The following USP6NL variants were observed in gnomAD, a reference collection of about 807,000 sequenced individuals.
USP6NL encodes USP6 N-terminal-like protein.
USP6NL carries 26 observed loss-of-function variants against 61.9 expected under a neutral mutation model. The ratio of observed to expected loss-of-function variants is 0.42; its 90% CI spans 0.31 to 0.58. USP6NL has a LOEUF of 0.58. USP6NL is among the 20% of genes least tolerant of loss of function. The pLI is 0.16. For missense variants in USP6NL, 1,114 were observed against 1,034.3 expected (o/e 1.08, Z -1.06); for synonymous variants, 432 against 390.1 (o/e 1.11, Z -1.27).
At chr10:11,509,419 G>A (rs933049087) in intron 6 of USP6NL, among the ~76,000 whole-genome samples, 176 bp downstream of exon 6, 4 of 152,046 alleles carry the variant, frequency 2.6e-5, no homozygotes, top group African/African-American at 9.7e-5. Context: ...ATCCGAATCG[G>A]GTATTACGTT....
chr10:11,546,005 C>T (rs1836260280), intron 2 of USP6NL, among the ~76,000 whole-genome samples: 1 of 152,228 alleles, frequency 6.6e-6, no homozygotes, highest in African/African-American at 2.4e-5. Context: ...TCCTTGTGAA[C>T]AGTAAATTAC....
In USP6NL at chr10:11,587,624, T is replaced by C. The variant is rs1044671401; in HGVS notation, c.4+10007A>G. 6.6e-6 allele frequency among the ~76,000 whole-genome samples: 1 copy of C among 152,236 alleles called. No individual in the cohort carries two copies. The highest frequency in any genetic ancestry group is 1.5e-5 in the Non-Finnish European group (1 of 68,032). ...TCTTTAGTGAAGCAATCTCAATTTA[T>C]GTACAAATAGCTATAGCTGTTTTAT... On this transcript the variant is annotated intron_variant, in intron 2 of 14. Transcript: ENST00000609104. This position sits in a 1 kb window ranked among gnomAD's most constrained non-coding sequence, Gnocchi z 4.5.
rs1399183844 is a variant in USP6NL at position 11,482,840 on chromosome 10, C to T, written c.926-918G>A. ...CTTTAGCTAACTATTGGTTAATATG[C>T]CCAGAAAGAGTTTTTCTTTTTTTTA... On this transcript the variant is annotated intron_variant, in intron 13 of 14. Coordinates refer to ENST00000609104, the MANE Select transcript of USP6NL (RefSeq NM_014688.5). This position sits in a 1 kb window ranked among gnomAD's most constrained non-coding sequence, Gnocchi z 4.0. Among the ~76,000 whole-genome samples the T allele has an allele frequency of 6.6e-6, 1 of 151,974 alleles. No individual in the cohort carries two copies. Among genetic ancestry groups the T allele is most frequent in the African/African-American group, 2.4e-5 (1 of 41,376 alleles).
rs948109811 is a variant in USP6NL, at chr10:11,484,396, G to T, written c.925+575C>A. Among the ~76,000 whole-genome samples the T allele has an allele frequency of 1.1e-4, 16 of 144,762 alleles. No individual in the cohort carries two copies. In the South Asian group the frequency reaches 2.2e-3, roughly 20 times the overall value. 95.0% of individuals were successfully genotyped at this position (144,762 alleles called of 152,430 possible). A position where few individuals can be genotyped will look rare whatever the true frequency, so the allele number is the denominator to read the frequency against. On this transcript the variant is annotated intron_variant, in intron 13 of 14. Coordinates refer to ENST00000609104, the MANE Select transcript of USP6NL (RefSeq NM_014688.5). ...GCAACTGAAGACTAAAAATTCTCCA[G>T]TTTTTTTTTTTTTTTAATCTTGCTC...
rs1833723344 is a variant in USP6NL at position 11,491,921 on chromosome 10, G to T, written c.495-1041C>A. ...GTGACCACATGACCAGTCACAGAAG[G>T]GATTGCTGCAATTATTATGAGTATT... On this transcript the variant is annotated intron_variant, in intron 8 of 14. Coordinates refer to ENST00000609104, the MANE Select transcript of USP6NL (RefSeq NM_014688.5). The surrounding 1 kb of genome is among the most constrained non-coding windows in gnomAD (Gnocchi z 4.7). Among the ~76,000 whole-genome samples, 1 of 152,130 alleles carries T rather than the reference G, an allele frequency of 6.6e-6. No individual in the cohort carries two copies. Among genetic ancestry groups the T allele is most frequent in the Non-Finnish European group, 1.5e-5 (1 of 68,026 alleles).
intron 2 of USP6NL, among the ~76,000 whole-genome samples, chr10:11,582,177 G>A (rs539187731): frequency 6.6e-6 from 1 of 152,366 alleles, no homozygotes; most frequent in Admixed American, 6.5e-5. Flanking sequence ...TGTTGGGCAG[G>A]CTGGTGTCAA....
intron 7 of USP6NL, among the ~76,000 whole-genome samples, chr10:11,500,294 C>T (rs1235546386): frequency 6.6e-6 from 1 of 151,846 alleles, no homozygotes; most frequent in Non-Finnish European, 1.5e-5. Context: ...ACCTATGTAA[C>T]AAATCTGCAC....
chr10:11,585,760 T>C lies in USP6NL; in HGVS notation c.4+11871A>G, dbSNP rs1007206325. On this transcript the variant is annotated intron_variant, in intron 2 of 14. Transcript: ENST00000609104. The surrounding 1 kb of genome is among the most constrained non-coding windows in gnomAD (Gnocchi z 4.5). ...AAGAATGGATAAACAAAATATGGTC[T>C]ATATATACAAGGGAATATTATTCAG... Among the ~76,000 whole-genome samples, 2 of 152,200 alleles carry C rather than the reference T, an allele frequency of 1.3e-5. No individual in the cohort carries two copies. Among genetic ancestry groups the C allele is most frequent in the Admixed American group, 1.3e-4 (2 of 15,284 alleles).
intron 7 of USP6NL, among the ~76,000 whole-genome samples, chr10:11,498,885 G>A (rs1834056543): frequency 1.3e-5 from 2 of 151,874 alleles, no homozygotes; most frequent in Admixed American, 1.3e-4. Context: ...TACTTTTAGA[G>A]TATTTATCAC....
intron 14 of USP6NL, among the ~76,000 whole-genome samples, chr10:11,467,449 G>C (rs1396776089): frequency 6.6e-6 from 1 of 152,132 alleles, no homozygotes; most frequent in African/African-American, 2.4e-5. Context: ...TTTATCCTAA[G>C]ACAATTAAGG....
At position 11,563,317 on chromosome 10, in the gene USP6NL, A is replaced by AG. The variant is rs563643126; in HGVS notation, c.4+34313dup. 476 of 152,306 alleles carry AG rather than the reference A, an allele frequency of 3.1e-3. 2 individuals carry two copies. Among genetic ancestry groups the AG allele is most frequent in the Middle Eastern group, 0.01 (3 of 294 alleles). The allele number at this position is 152,306 out of a possible 1,614,324, so 9.4% of individuals were successfully genotyped here. A position where few individuals can be genotyped will look rare whatever the true frequency, so the allele number is the denominator to read the frequency against. On this transcript the variant is annotated intron_variant, in intron 2 of 14. Transcript: ENST00000609104. ...GTATGATAGAAAGGGCATAGCGTTA[A>AG]GGAAACCTGTGGTGATGAAACTCTT... is the stretch of plus-strand genomic sequence containing the variant.
At position 11,548,687 on chromosome 10, in the gene USP6NL, C is replaced by T. The variant is rs1416954129; in HGVS notation, c.5-21120G>A. On this transcript the variant is annotated intron_variant, in intron 2 of 14. Transcript: ENST00000609104. This position sits in a 1 kb window ranked among gnomAD's most constrained non-coding sequence, Gnocchi z 4.3. ...TGGCAAAGACTTTCATTCTGATAAACATCAACAAATTAATTTAACTATGGT... is the reference window on the plus strand; with the variant it reads ...TGGCAAAGACTTTCATTCTGATAAATATCAACAAATTAATTTAACTATGGT... Among the ~76,000 whole-genome samples, 2 of 152,130 alleles carry T rather than the reference C, an allele frequency of 1.3e-5. No individual in the cohort carries two copies. The highest frequency in any genetic ancestry group is 1.5e-5 in the Non-Finnish European group (1 of 68,018).
intron 2 of USP6NL, among the ~76,000 whole-genome samples, chr10:11,549,125 A>G (rs893101012): frequency 2.0e-5 from 3 of 152,144 alleles, no homozygotes; most frequent in Non-Finnish European, 4.4e-5. Flanking sequence ...ACAGTCTAAG[A>G]CAACAGCTCA....
chr10:11,489,076 T>A lies in USP6NL; in HGVS notation c.664+26A>T, dbSNP rs1251167186. ...CTACTTTTTTCCCTACCTTGATTGT[T>A]TAGATAAAGCACAGGGTTTTCTTAC... On this transcript the variant is annotated intron_variant, in intron 10 of 14. Coordinates refer to ENST00000609104, the MANE Select transcript of USP6NL (RefSeq NM_014688.5). The surrounding 1 kb of genome is among the most constrained non-coding windows in gnomAD (Gnocchi z 5.7). 4 of 1,610,424 alleles carry A rather than the reference T, an allele frequency of 2.5e-6. No individual in the cohort carries two copies. In the African/African-American group the frequency reaches 5.3e-5, roughly 22 times the overall value.
In USP6NL at chr10:11,476,325, G is replaced by A. The variant is rs564987048; in HGVS notation, c.1078+5445C>T. On this transcript the variant is annotated intron_variant, in intron 14 of 14. Transcript: ENST00000609104. The surrounding 1 kb of genome is among the most constrained non-coding windows in gnomAD (Gnocchi z 4.3). ...GCTGGGGGAAGGTCCTTGTTTCTTG[G>A]CTACAGAGACAAGTATTTGAGGTGA... Among the ~76,000 whole-genome samples, 3 of 152,238 alleles carry A rather than the reference G, an allele frequency of 2.0e-5. No individual in the cohort carries two copies. The East Asian group carries it at 5.8e-4, about 29-fold the overall frequency.
Position 11,489,054 on chromosome 10 carries a change from C to A in USP6NL, c.664+48G>T. 6.2e-7 allele frequency: 1 copy of A among 1,600,622 alleles called. No individual in the cohort carries two copies. The highest frequency in any genetic ancestry group is 8.5e-7 in the Non-Finnish European group (1 of 1,171,742). On this transcript the variant is annotated intron_variant, in intron 10 of 14. Transcript: ENST00000609104. The surrounding 1 kb of genome is among the most constrained non-coding windows in gnomAD (Gnocchi z 5.7). ...GCATCTTTGGTTTTGTTTTAATCTA[C>A]TTTTTTCCCTACCTTGATTGTTTAG...
In USP6NL at chr10:11,525,706, A is replaced by T. The variant is rs1835386793; in HGVS notation, c.73-238T>A. 6.6e-6 allele frequency among the ~76,000 whole-genome samples: 1 copy of T among 152,190 alleles called. No homozygotes were observed. The highest frequency in any genetic ancestry group is 2.1e-4 in the South Asian group (1 of 4,828). ...AGATGCTGTGTGTCAGCAGCAGCTGACGCGGAGCTGAGCCAGGATCAGGCC... is the reference window on the plus strand; with the variant it reads ...AGATGCTGTGTGTCAGCAGCAGCTGTCGCGGAGCTGAGCCAGGATCAGGCC... On this transcript the variant is annotated intron_variant, in intron 3 of 14. Transcript: ENST00000609104. The surrounding 1 kb of genome is among the most constrained non-coding windows in gnomAD (Gnocchi z 5.0).
In USP6NL at chr10:11,463,532, G is replaced by T. The variant is rs746900219; in HGVS notation, c.1396C>A (p.His466Asn). 1.2e-6 allele frequency: 2 copies of T among 1,614,038 alleles called. No individual in the cohort carries two copies. The highest frequency in any genetic ancestry group is 1.1e-5 in the South Asian group (1 of 91,086). The change falls in exon 15 of 15, where the codon CAC (histidine) becomes AAC (asparagine). Residue 466 changes from histidine (H) to asparagine (N), a missense_variant. By Grantham distance (68) the His-to-Asn change is moderately conservative (BLOSUM62 1). Coordinates refer to ENST00000609104, the MANE Select transcript of USP6NL (RefSeq NM_014688.5). The surrounding 1 kb of genome is among the most constrained non-coding windows in gnomAD (Gnocchi z 6.3). The part of the protein sequence containing the change: ...GPQDSSRQYN[H>N]AAANQNSNAT... ...TTGCTATTTTGGTTGGCAGCTGCGT[G>T]ATTATATTGCCTGGAACTGTCCTGT...
chr10:11,463,412 C>G lies in USP6NL; in HGVS notation c.1516G>C (p.Gly506Arg). The change falls in exon 15 of 15, where the codon GGC (glycine) becomes CGC (arginine). Residue 506 changes from glycine to arginine, a missense_variant. Physicochemically the swap from Gly to Arg is moderately radical, Grantham distance 125 (BLOSUM62 -2). Transcript: ENST00000609104. This position sits in a 1 kb window ranked among gnomAD's most constrained non-coding sequence, Gnocchi z 6.3. ...TERTAKYTME[G>R]KGRAAHPALA... ...GCGGGGTGCGCTGCTCGACCTTTGC[C>G]TTCCATGGTGTATTTGGCAGTTCTC... The G allele has an allele frequency of 6.2e-7, 1 of 1,614,036 alleles. No individual in the cohort carries two copies. The highest frequency in any genetic ancestry group is 8.5e-7 in the Non-Finnish European group (1 of 1,179,908).
Sources: allele counts gnomAD v4.1 joint callset (sites outside exome capture counted in the v4.1 genomes callset), GRCh38; gene constraint gnomAD v4.1.1; non-coding constraint Gnocchi (gnomAD v3.1); transcripts MANE v1.5; gene names NCBI Gene and HGNC (gene_info 2026-07-23, HGNC 2026-07-21).